ARHGAP21: variants seen among roughly 807,000 people sequenced by gnomAD.
ARHGAP21 encodes the protein Rho GTPase activating protein 21.
Under a neutral mutation model 164.6 loss-of-function variants are expected in ARHGAP21, and 38 were observed. That is an observed-to-expected ratio of 0.23 (90% CI 0.18 to 0.30). The LOEUF is 0.30. Among genes scored for constraint, ARHGAP21 ranks in the 10% least tolerant of loss-of-function variants. The pLI is 1.00. For synonymous variants in ARHGAP21, 766 were observed against 857.9 expected (o/e 0.89, Z 1.87); for missense variants, 1,822 against 2,370.7 (o/e 0.77, Z 4.81).
At chr10:24,681,509 T>C (rs1396955185) in intron 2 of ARHGAP21, among the ~76,000 whole-genome samples, 1 of 152,324 alleles carries the variant, frequency 6.6e-6, no homozygotes, top group East Asian at 1.9e-4. Flanking sequence ...TCCTAGTATA[T>C]TCCAGGAATC....
intron 24 of ARHGAP21, 74 bp from the exon 25 acceptor site, chr10:24,589,376 T>C (rs1307418956): frequency 7.3e-7 from 1 of 1,364,182 alleles, no homozygotes; most frequent in Non-Finnish European, 1.0e-6. Context: ...GCAAAACTTA[T>C]GGAAAGACAG....
At chr10:24,663,034 A>G (rs1442502676) in intron 4 of ARHGAP21, among the ~76,000 whole-genome samples, 1 of 151,636 alleles carries the variant, frequency 6.6e-6, no homozygotes, top group Non-Finnish European at 1.5e-5. Flanking sequence ...TGTTTCCAAT[A>G]CATGGGTTCC....
At position 24,590,940 on chromosome 10, in the gene ARHGAP21, TAAAAAAA is replaced by T. The variant is rs901265529; in HGVS notation, c.4150+278_4150+284del. 31 of 739,542 alleles carry T rather than the reference TAAAAAAA, an allele frequency of 4.2e-5. No individual in the cohort carries two copies. In the South Asian group the frequency reaches 5.0e-4, roughly 12 times the overall value. 45.8% of individuals were successfully genotyped at this position (739,542 alleles called of 1,614,324 possible). On this transcript the variant is annotated intron_variant, in intron 24 of 25. Coordinates refer to ENST00000396432, the MANE Select transcript of ARHGAP21 (RefSeq NM_020824.4). ...TGACTATTACATGGAAACTGTGAAT[TAAAAAAA>T]AAAAAAAAAAAAAGAACAAAACAGT...
intron 2 of ARHGAP21, among the ~76,000 whole-genome samples, chr10:24,688,991 G>GGA (rs1236277732): frequency 2.0e-5 from 3 of 151,996 alleles, no homozygotes; most frequent in Non-Finnish European, 1.5e-5. Context: ...GCTCTGCTTG[G>GGA]GAGAGAGGCA....
intron 24 of ARHGAP21, 31 bp from the exon 25 acceptor site, chr10:24,589,333 A>C (rs2076237525): frequency 6.3e-7 from 1 of 1,591,410 alleles, no homozygotes. Flanking sequence ...CATGGTCAGT[A>C]TTAGCCAATC....
At chr10:24,660,963 T>G (rs934378376) in intron 4 of ARHGAP21, among the ~76,000 whole-genome samples, 1 of 152,102 alleles carries the variant, frequency 6.6e-6, no homozygotes, top group African/African-American at 2.4e-5. Flanking sequence ...TGTCATCAAC[T>G]TTGGATGGCA....
chr10:24,691,584 A>G (rs1842770241), intron 2 of ARHGAP21, among the ~76,000 whole-genome samples: 1 of 152,234 alleles, frequency 6.6e-6, no homozygotes. Context: ...GGAACTTACT[A>G]TTTCAAACCC....
chr10:24,589,543 GC>G (rs1287498232), intron 24 of ARHGAP21: 2 of 450,870 alleles, frequency 4.4e-6, no homozygotes, highest in Non-Finnish European at 7.8e-6. Flanking sequence ...TGGCAAAGGA[GC>G]CCTGTGCTAA....
intron 7 of ARHGAP21, among the ~76,000 whole-genome samples, chr10:24,625,490 G>T (rs34590878): frequency 1.3e-5 from 2 of 151,446 alleles, no homozygotes; most frequent in African/African-American, 4.9e-5. Flanking sequence ...GGATGGTGTA[G>T]ATGGAGAAGG....
In ARHGAP21 at chr10:24,723,843, GC is replaced by G. The variant is rs1463141734; in HGVS notation, c.-663del. Among the ~76,000 whole-genome samples, 1 of 150,296 alleles carries G rather than the reference GC, an allele frequency of 6.7e-6. No homozygotes were observed. Among genetic ancestry groups the G allele is most frequent in the Non-Finnish European group, 1.5e-5 (1 of 67,494 alleles). On this transcript the variant is annotated 5_prime_UTR_variant, in exon 1 of 26. Coordinates refer to ENST00000396432, the MANE Select transcript of ARHGAP21 (RefSeq NM_020824.4). ...CTCTCCCCTCGCCTCGCCGGGCCGGGCCGGGGCCCAGCTCCGGCGCCCGCGA... is the reference window on the plus strand; with the variant it reads ...CTCTCCCCTCGCCTCGCCGGGCCGGGCGGGGCCCAGCTCCGGCGCCCGCGA...
intron 14 of ARHGAP21, among the ~76,000 whole-genome samples, chr10:24,598,215 C>T (rs1176391081): frequency 6.6e-6 from 1 of 152,122 alleles, no homozygotes; most frequent in East Asian, 1.9e-4. Flanking sequence ...AAGGGTTTTG[C>T]TTCTTTTCTG....
chr10:24,597,065 C>T (rs1000333596), intron 16 of ARHGAP21, among the ~76,000 whole-genome samples, 183 bp from the exon 17 acceptor site: 3 of 122,282 alleles, frequency 2.5e-5, no homozygotes, highest in Non-Finnish European at 5.4e-5. Context: ...TTTTATAATG[C>T]GTGCTATAAT....
intron 4 of ARHGAP21, chr10:24,640,126 A>T (rs1175077518): frequency 4.6e-5 from 7 of 151,870 alleles, no homozygotes. Flanking sequence ...ACTATCCCAC[A>T]TTTTAATCAA....
chr10:24,639,644 T>C (rs976869148), intron 4 of ARHGAP21, among the ~76,000 whole-genome samples: 14 of 152,034 alleles, frequency 9.2e-5, no homozygotes, highest in African/African-American at 2.4e-4. Context: ...GGGGAGGGGA[T>C]AGGACGAGAA....
At chr10:24,603,044 G>A (rs576487853) in intron 12 of ARHGAP21, among the ~76,000 whole-genome samples, 25 of 152,216 alleles carry the variant, frequency 1.6e-4, no homozygotes, top group South Asian at 1.0e-3. Flanking sequence ...TCCAAGTGAC[G>A]GCAGCTGACA....
chr10:24,594,687 TAAAAAATGAGAGAAGTAAA>T (rs2076503457), intron 21 of ARHGAP21, among the ~76,000 whole-genome samples: 1 of 152,162 alleles, frequency 6.6e-6, no homozygotes, highest in African/African-American at 2.4e-5. Context: ...GATATACAGC[TAAAAAATGAGAGAAGTAAA>T]ATTTCTGACT....
At chr10:24,660,311 G>C (rs576094366) in intron 4 of ARHGAP21, among the ~76,000 whole-genome samples, 121 of 79,094 alleles carry the variant, frequency 1.5e-3, no homozygotes, top group South Asian at 6.8e-3. Flanking sequence ...TTGAGCTCAT[G>C]AATTTGAGGC....
Position 24,620,410 on chromosome 10 carries a change from T to C in ARHGAP21, c.1485A>G (p.Ser495=). The C allele has an allele frequency of 1.2e-6, 2 of 1,612,290 alleles. No homozygotes were observed. Among genetic ancestry groups the C allele is most frequent in the Non-Finnish European group, 1.7e-6 (2 of 1,178,994 alleles). ...CATCCTGTCCCTCAATATAATCCCA[T>C]GAACGAGTTCTATGATTACTAAAAC... The part of the protein sequence containing the change: ...SVSFSNHRTR[S]WDYIEGQDET... The change falls in exon 9 of 26, where the codon TCA becomes TCG. Residue 495 remains serine, a synonymous_variant. Coordinates refer to ENST00000396432, the MANE Select transcript of ARHGAP21 (RefSeq NM_020824.4).
rs371210209 is a variant in ARHGAP21 at position 24,585,437 on chromosome 10, C to T, written c.4852G>A (p.Glu1618Lys). The change falls in exon 26 of 26, where the codon GAG (glutamate) becomes AAG (lysine). Residue 1618 changes from glutamate to lysine, a missense_variant. By Grantham distance (56) the Glu-to-Lys change is moderately conservative. Around this residue, in one of 5 missense-constraint regions of ARHGAP21, gnomAD observed 333 missense variants for 383.9 expected, o/e 0.87. Coordinates refer to ENST00000396432, the MANE Select transcript of ARHGAP21 (RefSeq NM_020824.4). Reference sequence around the variant, plus strand: ...AGTTCGCTTCTCTCGTCATCTGCCTCGTCCCCCTTGCTCTCTGCCACGGAT... The same window carrying T: ...AGTTCGCTTCTCTCGTCATCTGCCTTGTCCCCCTTGCTCTCTGCCACGGAT... Reference protein sequence around the residue: ...VQSVAESKGDEADDERSELIS... With the variant: ...VQSVAESKGDKADDERSELIS... The T allele has an allele frequency of 5.0e-6, 8 of 1,613,958 alleles. No homozygotes were observed. Among genetic ancestry groups the T allele is most frequent in the East Asian group, 2.2e-5 (1 of 44,894 alleles).
Sources: allele counts gnomAD v4.1 joint callset (sites outside exome capture counted in the v4.1 genomes callset), GRCh38; gene constraint gnomAD v4.1.1; regional missense constraint gnomAD v4.1.1; transcripts MANE v1.5; gene names NCBI Gene and HGNC (gene_info 2026-07-23, HGNC 2026-07-21).